Variants in NLGN1 observed in about 807,000 individuals in gnomAD.
NLGN1 encodes neuroligin 1, also known as neuroligin-1.
A neutral mutation model predicts 65.5 loss-of-function variants in NLGN1; 12 were observed. The observed-to-expected ratio is 0.18, with a 90% confidence interval of 0.12 to 0.30. The LOEUF (loss-of-function observed/expected upper bound fraction) is 0.30. Among genes scored for constraint, NLGN1 ranks in the 10% least tolerant of loss-of-function variants. The pLI, the probability that NLGN1 is intolerant of heterozygous loss-of-function variation, is 1.00. For missense variants in NLGN1, 750 were observed against 1,007.1 expected, an observed-to-expected ratio of 0.74 and a Z score of 3.46; for synonymous variants, 350 against 359.5, an observed-to-expected ratio of 0.97 and a Z score of 0.30.
At chr3:174,139,466 G>C (rs1321977729) in intron 4 of NLGN1, among the ~76,000 whole-genome samples, 2 of 151,304 alleles carry the variant, frequency 1.3e-5, no homozygotes, top group Non-Finnish European at 2.9e-5. Flanking sequence ...TTTTAGCACT[G>C]AATAATATTC....
At chr3:173,673,098 T>C (rs113014522) in intron 3 of NLGN1, among the ~76,000 whole-genome samples, 16 of 152,204 alleles carry the variant, frequency 1.1e-4, no homozygotes, top group African/African-American at 3.1e-4. Flanking sequence ...ATTATATTGG[T>C]AAATCAAAGA....
At chr3:173,948,236 A>G (rs541161130) in intron 4 of NLGN1, among the ~76,000 whole-genome samples, 1 of 152,196 alleles carries the variant, frequency 6.6e-6, no homozygotes, top group Non-Finnish European at 1.5e-5. Flanking sequence ...ATATAATGAG[A>G]TTATTTACCT....
At chr3:173,682,150 T>A (rs1436750469) in intron 3 of NLGN1, among the ~76,000 whole-genome samples, 1 of 152,156 alleles carries the variant, frequency 6.6e-6, no homozygotes, top group Non-Finnish European at 1.5e-5. Flanking sequence ...AGTGCCCACA[T>A]CATTGAGTTT....
At chr3:174,118,842 G>GT (rs1392068152) in intron 4 of NLGN1, among the ~76,000 whole-genome samples, 21 of 152,108 alleles carry the variant, frequency 1.4e-4, no homozygotes, top group Admixed American at 1.4e-3. Context: ...TCATAGTATG[G>GT]TTTTTCCTGT....
intron 3 of NLGN1, among the ~76,000 whole-genome samples, chr3:173,790,827 T>G (rs915352471): frequency 5.3e-5 from 8 of 152,126 alleles, no homozygotes; most frequent in African/African-American, 1.9e-4. Flanking sequence ...TCACAATATT[T>G]TTAGAAGAGT....
chr3:174,273,511 A>G (rs2152882822), intron 4 of NLGN1, among the ~76,000 whole-genome samples: 1 of 151,824 alleles, frequency 6.6e-6, no homozygotes, highest in Admixed American at 6.6e-5. Context: ...AATTCCTGCC[A>G]TGCTTCTATT....
At chr3:173,496,093 A>G (rs536943) in intron 2 of NLGN1, among the ~76,000 whole-genome samples, 15,141 of 151,462 alleles carry the variant, frequency 0.1, 934 homozygotes, top group Admixed American at 0.18. Context: ...TTATACTTGG[A>G]TTTTCCTGTC....
chr3:174,228,265 C>T (rs1740089460), intron 4 of NLGN1, among the ~76,000 whole-genome samples: 1 of 151,970 alleles, frequency 6.6e-6, no homozygotes, highest in African/African-American at 2.4e-5. Flanking sequence ...AGTGACTGCT[C>T]ATGAAAGAAA....
intron 2 of NLGN1, among the ~76,000 whole-genome samples, chr3:173,522,895 T>G (rs1364242983): frequency 3.3e-5 from 5 of 152,180 alleles, no homozygotes; most frequent in Non-Finnish European, 7.4e-5. Flanking sequence ...TAACAGAGTA[T>G]AAGTGTTCTG....
chr3:174,201,877 T>C (rs1436516332), intron 4 of NLGN1, among the ~76,000 whole-genome samples: 1 of 152,180 alleles, frequency 6.6e-6, no homozygotes, highest in African/African-American at 2.4e-5. Flanking sequence ...CCTGACCTTT[T>C]TAGGTGAAGT....
Position 174,279,292 on chromosome 3 carries a change from G to A in NLGN1, c.1291G>A (p.Val431Ile). 2 of 1,613,376 alleles carry A rather than the reference G, an allele frequency of 1.2e-6. No homozygotes were observed. Among genetic ancestry groups the A allele is most frequent in the Non-Finnish European group, 1.7e-6 (2 of 1,179,562 alleles). Residue 431 changes from valine (V) to isoleucine (I), a missense_variant, in exon 6 of 7, where the codon GTT (valine) becomes ATT (isoleucine). Coordinates refer to ENST00000457714, the Ensembl canonical transcript of NLGN1. This position sits in a 1 kb window ranked among gnomAD's most constrained non-coding sequence, Gnocchi z 4.7. ...ATATGGATATCCTGAAGGCAAAGAT[G>A]TTTTGAGAGAAACCATTAAGTTCAT... is the stretch of plus-strand genomic sequence containing the variant.
intron 3 of NLGN1, among the ~76,000 whole-genome samples, chr3:173,760,635 T>C (rs1376544336): frequency 6.6e-6 from 1 of 152,010 alleles, no homozygotes; most frequent in East Asian, 1.9e-4. Context: ...AGTAGCTCAG[T>C]CTAATTTAGT....
chr3:174,099,246 A>G (rs1711845419), intron 4 of NLGN1, among the ~76,000 whole-genome samples: 2 of 152,230 alleles, frequency 1.3e-5, no homozygotes, highest in African/African-American at 2.4e-5. Flanking sequence ...TCTCATAAAT[A>G]TGTAGTTAGA....
chr3:173,434,411 A>G (rs1010475816), intron 1 of NLGN1, among the ~76,000 whole-genome samples: 1 of 152,198 alleles, frequency 6.6e-6, no homozygotes, highest in African/African-American at 2.4e-5. Flanking sequence ...GGTGATTACA[A>G]TTCATGGGCC....
chr3:173,487,396 C>G (rs904452457), intron 2 of NLGN1, among the ~76,000 whole-genome samples: 3 of 151,652 alleles, frequency 2.0e-5, no homozygotes, highest in African/African-American at 7.3e-5. Flanking sequence ...TCTTGGTGAT[C>G]AATTCTTGTA....
At chr3:173,831,948 A>G (rs116315846) in intron 4 of NLGN1, among the ~76,000 whole-genome samples, 439 of 96,480 alleles carry the variant, frequency 4.6e-3, no homozygotes, top group African/African-American at 0.018. Context: ...CTAAGTCTAT[A>G]TTCTACTTTC....
chr3:173,653,917 A>T (rs1163055862), intron 3 of NLGN1, among the ~76,000 whole-genome samples: 1 of 152,144 alleles, frequency 6.6e-6, no homozygotes, highest in Admixed American at 6.6e-5. Context: ...TACAAGCCAC[A>T]TGAACAGGAG....
intron 4 of NLGN1, among the ~76,000 whole-genome samples, chr3:173,948,892 G>T (rs1260823715): frequency 6.6e-6 from 1 of 152,056 alleles, no homozygotes; most frequent in Non-Finnish European, 1.5e-5. Context: ...AAAGTGAAGA[G>T]AATTGGGGAA....
At chr3:173,510,982 G>C (rs1732854539) in intron 2 of NLGN1, among the ~76,000 whole-genome samples, 1 of 152,132 alleles carries the variant, frequency 6.6e-6, no homozygotes, top group South Asian at 2.1e-4. Context: ...TTCTAGCACG[G>C]ACAAATGTTC....
Sources: gnomAD v4.1 joint callset for allele counts (sites outside exome capture counted in the v4.1 genomes callset) on GRCh38, gnomAD v4.1.1 for gene constraint, Gnocchi (gnomAD v3.1) non-coding constraint, MANE v1.5 for transcripts, NCBI Gene and HGNC (gene_info 2026-07-23, HGNC 2026-07-21) for gene names.